The following VGLL4 variants were observed in gnomAD, a reference collection of about 807,000 sequenced individuals.
VGLL4 encodes the protein vestigial like family member 4.
VGLL4 carries 7 observed loss-of-function variants against 21.0 expected under a neutral mutation model. The ratio of observed to expected loss-of-function variants is 0.33; its 90% CI spans 0.19 to 0.63. The LOEUF is 0.63. Among genes scored for constraint, VGLL4 ranks in the 20% least tolerant of loss-of-function variants. VGLL4 has a pLI of 0.78. For missense variants in VGLL4, 394 were observed against 425.7 expected (o/e 0.93, Z 0.66); for synonymous variants, 222 against 173.2 (o/e 1.28, Z -2.21).
At chr3:11,569,844 G>A (rs2073705516) in intron 2 of VGLL4, among the ~76,000 whole-genome samples, 1 of 152,160 alleles carries the variant, frequency 6.6e-6, no homozygotes, top group East Asian at 1.9e-4. Context: ...TCACGCCACT[G>A]CACTTTAGCC....
chr3:11,677,938 AC>A (rs949612990), intron 2 of VGLL4, among the ~76,000 whole-genome samples: 24 of 151,908 alleles, frequency 1.6e-4, no homozygotes, highest in Non-Finnish European at 2.6e-4. Flanking sequence ...AAAAGAAAAA[AC>A]ATCAGTTAAT....
At chr3:11,630,744 C>G (rs768558689) in intron 1 of VGLL4, among the ~76,000 whole-genome samples, 1 of 152,182 alleles carries the variant, frequency 6.6e-6, no homozygotes, top group Non-Finnish European at 1.5e-5. Flanking sequence ...CTTTGGAAAA[C>G]AGTTGTGCAG....
chr3:11,687,697 C>T (rs765397630), intron 2 of VGLL4, among the ~76,000 whole-genome samples: 2 of 152,124 alleles, frequency 1.3e-5, no homozygotes, highest in Non-Finnish European at 2.9e-5. Context: ...TAACCAGCTG[C>T]CTTAATTAAG....
At chr3:11,685,106 G>C (rs2125385721) in intron 2 of VGLL4, among the ~76,000 whole-genome samples, 1 of 151,928 alleles carries the variant, frequency 6.6e-6, no homozygotes, top group Middle Eastern at 3.4e-3. Context: ...TCCTGCGTTA[G>C]TTTACTAAGG....
chr3:11,675,828 C>G (rs1237704581), intron 2 of VGLL4, among the ~76,000 whole-genome samples: 2 of 152,176 alleles, frequency 1.3e-5, no homozygotes, highest in Non-Finnish European at 2.9e-5. Context: ...GTAAAACAAA[C>G]TGTTCAGTTA....
chr3:11,587,881 A>G (rs2074396223), intron 2 of VGLL4, among the ~76,000 whole-genome samples: 1 of 152,238 alleles, frequency 6.6e-6, no homozygotes, highest in Admixed American at 6.5e-5. Flanking sequence ...CAACACCGGG[A>G]TGAGATCACG....
chr3:11,575,166 T>C (rs1018150848), intron 2 of VGLL4, among the ~76,000 whole-genome samples: 1 of 152,168 alleles, frequency 6.6e-6, no homozygotes, highest in African/African-American at 2.4e-5. Flanking sequence ...CTTGGGTCCT[T>C]GCTCCCCTGC....
chr3:11,614,095 C>T (rs2075113970), intron 1 of VGLL4, among the ~76,000 whole-genome samples: 1 of 152,240 alleles, frequency 6.6e-6, no homozygotes, highest in South Asian at 2.1e-4. Flanking sequence ...CGGCACGGTG[C>T]CGCCTCCTCC....
chr3:11,707,534 T>C (rs1485512107), intron 1 of VGLL4, among the ~76,000 whole-genome samples: 1 of 147,576 alleles, frequency 6.8e-6, no homozygotes, highest in Non-Finnish European at 1.5e-5. Flanking sequence ...AGGTGGAAGA[T>C]AACAGTTATT....
chr3:11,690,884 T>C (rs1402839310), intron 2 of VGLL4, among the ~76,000 whole-genome samples: 1 of 152,150 alleles, frequency 6.6e-6, no homozygotes, highest in African/African-American at 2.4e-5. Context: ...CTACACATTA[T>C]ATGCACATCA....
At chr3:11,562,088 G>A (rs2073071922) in intron 3 of VGLL4, among the ~76,000 whole-genome samples, 1 of 151,952 alleles carries the variant, frequency 6.6e-6, no homozygotes, top group Non-Finnish European at 1.5e-5. Flanking sequence ...AGTAAAAACA[G>A]GGTTTCACCA....
At position 11,643,728 on chromosome 3, in the gene VGLL4, A is replaced by C; in HGVS notation, c.-210T>G. ...CTCACACGAAACCCTTCAAGGGCTT[A>C]CTGGTAGACGGTGTATGTACTGTAT... On this transcript the variant is annotated 5_prime_UTR_variant, in exon 1 of 5. Coordinates refer to ENST00000430365, the MANE Select transcript of VGLL4 (RefSeq NM_001128219.3). The C allele has an allele frequency of 7.2e-7, 1 of 1,398,376 alleles. No homozygotes were observed. The highest frequency in any genetic ancestry group is 9.3e-7 in the Non-Finnish European group (1 of 1,079,388). The allele number at this position is 1,398,376 out of a possible 1,614,324, so 86.6% of individuals were successfully genotyped here. A position where few individuals can be genotyped will look rare whatever the true frequency, so the allele number is the denominator to read the frequency against.
rs144124022 is a variant in VGLL4 at position 11,621,304 on chromosome 3, C to T, written c.83-19282G>A. ...CATTTCTTCACCCCGAAAAGAAACC[C>T]ATACCCATTAGCAGTCACTCCCCAT... On this transcript the variant is annotated intron_variant, in intron 1 of 4. Coordinates refer to ENST00000430365, the MANE Select transcript of VGLL4 (RefSeq NM_001128219.3). Among the ~76,000 whole-genome samples, 65 of 152,280 alleles carry T rather than the reference C, an allele frequency of 4.3e-4. No homozygotes were observed. In the East Asian group the frequency reaches 0.012, roughly 28 times the overall value.
At chr3:11,665,839 A>G (rs1478640367) in intron 2 of VGLL4, among the ~76,000 whole-genome samples, 1 of 152,232 alleles carries the variant, frequency 6.6e-6, no homozygotes, top group Non-Finnish European at 1.5e-5. Context: ...AGAGAAATCA[A>G]AATAAAGCAG....
chr3:11,712,287 C>T (rs1455461918), intron 1 of VGLL4, among the ~76,000 whole-genome samples: 1 of 152,130 alleles, frequency 6.6e-6, no homozygotes, highest in African/African-American at 2.4e-5. Flanking sequence ...GTCATTTACC[C>T]TCTCCAGGCC....
At chr3:11,655,594 A>G (rs1383093621) in intron 2 of VGLL4, among the ~76,000 whole-genome samples, 1 of 152,178 alleles carries the variant, frequency 6.6e-6, no homozygotes, top group East Asian at 1.9e-4. Context: ...ACCTACCAAC[A>G]CTTGACTGCA....
At chr3:11,561,128 C>G (rs995500120) in intron 3 of VGLL4, among the ~76,000 whole-genome samples, 7 of 152,102 alleles carry the variant, frequency 4.6e-5, no homozygotes, top group Non-Finnish European at 8.8e-5. Context: ...CTAGGAGACC[C>G]CCCCCCAGGG....
At chr3:11,680,120 G>A (rs952739015) in intron 2 of VGLL4, among the ~76,000 whole-genome samples, 1 of 152,192 alleles carries the variant, frequency 6.6e-6, no homozygotes, top group African/African-American at 2.4e-5. Context: ...GTGCAGTTGC[G>A]TGCCACAGGG....
rs374943505 is a variant in VGLL4 at position 11,643,212 on chromosome 3, G to T, written c.82+225C>A. ...ACGTTGCAAGCAACGAGCAAACTTT[G>T]AAGGGTTTCTACTTCACTGCCTCCC... On this transcript the variant is annotated intron_variant, in intron 1 of 4. Transcript: ENST00000430365. Among the ~76,000 whole-genome samples, 12 of 152,308 alleles carry T rather than the reference G, an allele frequency of 7.9e-5. No homozygotes were observed. The East Asian group carries it at 1.9e-3, about 24-fold the overall frequency.
Sources: allele counts gnomAD v4.1 joint callset (sites outside exome capture counted in the v4.1 genomes callset), GRCh38; gene constraint gnomAD v4.1.1; transcripts MANE v1.5; gene names NCBI Gene and HGNC (gene_info 2026-07-23, HGNC 2026-07-21).